EEA1: variants seen among roughly 807,000 people sequenced by gnomAD.
EEA1 encodes the protein early endosome antigen 1, 162kD.
EEA1 carries 111 observed loss-of-function variants against 209.2 expected under a neutral mutation model. That is an observed-to-expected ratio of 0.53 (90% CI 0.45 to 0.62). The LOEUF (loss-of-function observed/expected upper bound fraction) is 0.62. Ranked by LOEUF, EEA1 falls within the 20% of genes least tolerant of loss-of-function variation. The pLI, the probability that EEA1 is intolerant of heterozygous loss-of-function variation, is 0.00. For synonymous variants in EEA1, 536 were observed against 540.6 expected (o/e 0.99, Z 0.12); for missense variants, 1,343 against 1,530.8 (o/e 0.88, Z 2.05).
chr12:92,845,185 C>T (rs1202691522), intron 9 of EEA1, among the ~76,000 whole-genome samples: 2 of 151,948 alleles, frequency 1.3e-5, no homozygotes, highest in African/African-American at 4.8e-5. Flanking sequence ...AATTCCAGCA[C>T]TTGAAACTTT....
chr12:92,877,823 G>A (rs1055999809), intron 2 of EEA1, among the ~76,000 whole-genome samples: 3 of 152,212 alleles, frequency 2.0e-5, no homozygotes, highest in Admixed American at 1.3e-4. Flanking sequence ...GATTTGATAG[G>A]TAGGTGGAGG....
At chr12:92,804,967 C>T (rs1875124299) in intron 18 of EEA1, among the ~76,000 whole-genome samples, 1 of 152,118 alleles carries the variant, frequency 6.6e-6, no homozygotes, top group Non-Finnish European at 1.5e-5. Context: ...CAAGAAAGAT[C>T]TTAAAGGTTT....
intron 9 of EEA1, among the ~76,000 whole-genome samples, chr12:92,845,638 T>C (rs1010793081): frequency 8.5e-5 from 13 of 152,218 alleles, no homozygotes; most frequent in Non-Finnish European, 1.8e-4. Flanking sequence ...AAAACTGTTC[T>C]AAAGTATTCC....
At chr12:92,825,794 C>T (rs1876268656) in intron 13 of EEA1, among the ~76,000 whole-genome samples, 1 of 150,648 alleles carries the variant, frequency 6.6e-6, no homozygotes. Flanking sequence ...CAATAATAAA[C>T]AATAATGAAT....
intron 22 of EEA1, among the ~76,000 whole-genome samples, chr12:92,786,870 A>G (rs543502261): frequency 1.7e-4 from 26 of 152,316 alleles, no homozygotes; most frequent in African/African-American, 6.0e-4. Flanking sequence ...TTTAGATCCA[A>G]CCTTTTAAAC....
chr12:92,827,845 G>T, intron 12 of EEA1, 67 bp downstream of exon 12: 1 of 1,386,990 alleles, frequency 7.2e-7, no homozygotes. Context: ...ACAATTAACA[G>T]ATTGATGAAT....
intron 3 of EEA1, among the ~76,000 whole-genome samples, chr12:92,860,111 A>G (rs1878073390): frequency 6.6e-6 from 1 of 152,202 alleles, no homozygotes; most frequent in Admixed American, 6.5e-5. Context: ...TTAATTTAGT[A>G]AACCAATCCT....
At position 92,778,127 on chromosome 12, in the gene EEA1, T is replaced by G; in HGVS notation, c.3707A>C (p.Glu1236Ala). ...EVGMKKHEEN[E>A]AKLTMQITAL... ...TGTAATCTGCATGGTAAGTTTAGCC[T>G]CATTTTCTTCATGCTTCTTCATTCC... Residue 1236 changes from glutamate to alanine, a missense_variant, in exon 26 of 29, where the codon GAG becomes GCG. Around this residue, in one of 3 missense-constraint regions of EEA1, gnomAD observed 1,307 missense variants for 1,465.5 expected, o/e 0.89. Transcript: ENST00000322349. 1 of 1,613,242 alleles carries G rather than the reference T, an allele frequency of 6.2e-7. No homozygotes were observed. Among genetic ancestry groups the G allele is most frequent in the Non-Finnish European group, 8.5e-7 (1 of 1,179,454 alleles).
chr12:92,885,663 T>C (rs7296702), intron 2 of EEA1, among the ~76,000 whole-genome samples: 2,247 of 152,316 alleles, frequency 0.015, 54 homozygotes, highest in African/African-American at 0.051. Context: ...ACCTCTCTAA[T>C]GTTCCCATCC....
intron 2 of EEA1, among the ~76,000 whole-genome samples, chr12:92,871,223 G>T (rs1447122090): frequency 6.6e-6 from 1 of 152,048 alleles, no homozygotes; most frequent in Non-Finnish European, 1.5e-5. Flanking sequence ...CTGCAAACAG[G>T]AAGAGAAACC....
intron 2 of EEA1, among the ~76,000 whole-genome samples, chr12:92,868,017 G>T (rs564147547): frequency 6.6e-6 from 1 of 152,320 alleles, no homozygotes; most frequent in African/African-American, 2.4e-5. Flanking sequence ...TTAGGAAACA[G>T]AAGGCTTCTA....
At chr12:92,811,224 T>C (rs2136674801) in intron 17 of EEA1, 55 bp downstream of exon 17, 2 of 1,202,006 alleles carry the variant, frequency 1.7e-6, no homozygotes, top group East Asian at 2.8e-5. Context: ...GGTCATGAGA[T>C]TCCATTGCTA....
At chr12:92,831,629 CATAAATAT>C (rs886921234) in intron 11 of EEA1, among the ~76,000 whole-genome samples, 2 of 144,780 alleles carry the variant, frequency 1.4e-5, no homozygotes, top group Non-Finnish European at 3.0e-5. Flanking sequence ...ATATATATTT[CATAAATAT>C]ATAAATATAT....
rs188101911 is a variant in EEA1, at chr12:92,828,832, G to A, written c.1255-771C>T. Among the ~76,000 whole-genome samples, 8 of 151,912 alleles carry A rather than the reference G, an allele frequency of 5.3e-5. No homozygotes were observed. The South Asian group carries it at 8.3e-4, about 16-fold the overall frequency. ...CTGGCTGTGAGACACATCTGCTTTCGAACTGCCACCTGTCAAAACCTATCC... is the reference window on the plus strand; with the variant it reads ...CTGGCTGTGAGACACATCTGCTTTCAAACTGCCACCTGTCAAAACCTATCC... On this transcript the variant is annotated intron_variant, in intron 11 of 28. Transcript: ENST00000322349.
At chr12:92,849,157 T>G (rs988664152) in intron 9 of EEA1, among the ~76,000 whole-genome samples, 9 of 152,234 alleles carry the variant, frequency 5.9e-5, no homozygotes, top group Non-Finnish European at 1.2e-4. Context: ...AAAATACATA[T>G]TCCTAAAACT....
intron 9 of EEA1, among the ~76,000 whole-genome samples, chr12:92,848,225 T>A (rs1426314173): frequency 1.3e-5 from 2 of 150,526 alleles, no homozygotes; most frequent in Non-Finnish European, 3.0e-5. Context: ...AGAAATACCT[T>A]TTCTAGAAAA....
chr12:92,824,270 GCTA>G (rs753039986), intron 13 of EEA1, among the ~76,000 whole-genome samples: 26 of 152,128 alleles, frequency 1.7e-4, no homozygotes, highest in Admixed American at 2.6e-4. Flanking sequence ...TCTAATCCAA[GCTA>G]CATCATTTCT....
At chr12:92,805,239 A>G (rs1875144083) in intron 18 of EEA1, among the ~76,000 whole-genome samples, 1 of 152,190 alleles carries the variant, frequency 6.6e-6, no homozygotes, top group Non-Finnish European at 1.5e-5. Flanking sequence ...TAGGCACTGG[A>G]AACTACCGTG....
chr12:92,829,609 T>C (rs571308546), intron 11 of EEA1, among the ~76,000 whole-genome samples: 21 of 151,746 alleles, frequency 1.4e-4, no homozygotes, highest in Admixed American at 2.0e-4. Flanking sequence ...TGAAACCCCA[T>C]ATCTACTGAA....
Sources: gnomAD v4.1 joint callset for allele counts (sites outside exome capture counted in the v4.1 genomes callset) on GRCh38, gnomAD v4.1.1 for gene constraint, gnomAD v4.1.1 regional missense constraint, MANE v1.5 for transcripts, NCBI Gene and HGNC (gene_info 2026-07-23, HGNC 2026-07-21) for gene names.